The following MTF1 variants were observed in gnomAD, a reference collection of about 807,000 sequenced individuals.
The protein encoded by MTF1 is MRE-binding transcription factor.
In MTF1, 22 loss-of-function variants were observed where a neutral mutation model predicts 70.4. The ratio of observed to expected loss-of-function variants is 0.31; its 90% confidence interval spans 0.22 to 0.45. The LOEUF is 0.45. MTF1 is among the 20% of genes least tolerant of loss of function. The pLI, the probability that MTF1 is intolerant of heterozygous loss-of-function variation, is 1.00. For missense variants in MTF1, 649 were observed against 922.0 expected, an observed-to-expected ratio of 0.70 and a Z score of 3.83; for synonymous variants, 333 against 352.8, an observed-to-expected ratio of 0.94 and a Z score of 0.63.
chr1:37,857,371 G>A lies in MTF1; in HGVS notation c.288C>T (p.His96=). 1 of 1,614,210 alleles carries A rather than the reference G, an allele frequency of 6.2e-7. No individual in the cohort carries two copies. The highest frequency in any genetic ancestry group is 8.5e-7 in the Non-Finnish European group (1 of 1,180,032). ...HEAMSQGYVQ[H]IISPDQIHLT... ...AATGAATCTGATCTGGTGAGATAATGTGCTGCACATAACCCTGGGACATTG... is the reference window on the plus strand; with the variant it reads ...AATGAATCTGATCTGGTGAGATAATATGCTGCACATAACCCTGGGACATTG... The change falls in exon 2 of 11, where the codon CAC becomes CAT. Residue 96 remains histidine, a synonymous_variant. Transcript: ENST00000373036.
At chr1:37,852,764 G>A (rs1569887979) in intron 2 of MTF1, among the ~76,000 whole-genome samples, 1 of 152,056 alleles carries the variant, frequency 6.6e-6, no homozygotes, top group African/African-American at 2.4e-5. Flanking sequence ...CCAAGTGGCT[G>A]GGACTACAGG....
chr1:37,815,617 G>A lies in MTF1; in HGVS notation c.1832-51C>T, dbSNP rs773601588. 2 of 1,408,770 alleles carry A rather than the reference G, an allele frequency of 1.4e-6. No individual in the cohort carries two copies. The highest frequency in any genetic ancestry group is 1.9e-6 in the Non-Finnish European group (2 of 1,036,966). The allele number at this position is 1,408,770 out of a possible 1,614,324, so 87.3% of individuals were successfully genotyped here. A position where few individuals can be genotyped will look rare whatever the true frequency, so the allele number is the denominator to read the frequency against. On this transcript the variant is annotated intron_variant, in intron 10 of 10. Coordinates refer to ENST00000373036, the MANE Select transcript of MTF1 (RefSeq NM_005955.3). The surrounding 1 kb of genome is among the most constrained non-coding windows in gnomAD (Gnocchi z 4.5). ...TCTTCAAGTAGCTGCAGGGGCAGGA[G>A]CATGAGGGACAGGGATACATGGACT...
At chr1:37,821,353 CA>C (rs1640907446) in intron 9 of MTF1, among the ~76,000 whole-genome samples, 1 of 152,000 alleles carries the variant, frequency 6.6e-6, no homozygotes, top group South Asian at 2.1e-4. Flanking sequence ...AGTCCTTACA[CA>C]TAGTAAGGAC....
rs1640797903 is a variant in MTF1, at chr1:37,815,305, C to T, written c.2093G>A (p.Ser698Asn). The change falls in exon 11 of 11, where the codon AGC becomes AAC. Residue 698 changes from serine to asparagine, a missense_variant. Around this residue, in one of 7 missense-constraint regions of MTF1, gnomAD observed 138 missense variants for 134.4 expected, o/e 1.03. Transcript: ENST00000373036. The surrounding 1 kb of genome is among the most constrained non-coding windows in gnomAD (Gnocchi z 4.5). ...GTCTGAAGGAGTCTCTGCTTGTCGG[C>T]TTTGCTCACAGGAGGAGGGCAAGGT... ...SSTLPSSCEQ[S>N]RQAETPSDPQ... 1.2e-6 allele frequency: 2 copies of T among 1,614,094 alleles called. No individual in the cohort carries two copies. Among genetic ancestry groups the T allele is most frequent in the Middle Eastern group, 1.6e-4 (1 of 6,062 alleles).
At chr1:37,855,339 C>T (rs187423396) in intron 2 of MTF1, among the ~76,000 whole-genome samples, 34 of 152,246 alleles carry the variant, frequency 2.2e-4, no homozygotes, top group African/African-American at 7.5e-4. Flanking sequence ...ACAATCAGAG[C>T]TGGCTAACAA....
rs899156694 is a variant in MTF1, at chr1:37,835,840, C to G, written c.780-96G>C. On this transcript the variant is annotated intron_variant, in intron 4 of 10. Transcript: ENST00000373036. The stretch of plus-strand genomic sequence containing the variant: ...TTTTGAGATCGAGTCTCGCTCTGTC[C>G]CCAAGGCTGGAGTGCAGTGGCGCAA... The G allele has an allele frequency of 9.1e-5, 97 of 1,064,062 alleles. 2 individuals carry two copies. The Middle Eastern group carries it at 9.2e-4, about 10-fold the overall frequency. 65.9% of individuals were successfully genotyped at this position (1,064,062 alleles called of 1,614,324 possible). A position where few individuals can be genotyped will look rare whatever the true frequency, so the allele number is the denominator to read the frequency against.
In MTF1 at chr1:37,845,015, T is replaced by C. The variant is rs528775065; in HGVS notation, c.409-4857A>G. On this transcript the variant is annotated intron_variant, in intron 2 of 10. Coordinates refer to ENST00000373036, the MANE Select transcript of MTF1 (RefSeq NM_005955.3). ...TGAAAAACAACAGGCACTAAATAAATATTTGTCCAATTAAATGGGTGAATA... is the reference window on the plus strand; with the variant it reads ...TGAAAAACAACAGGCACTAAATAAACATTTGTCCAATTAAATGGGTGAATA... Among the ~76,000 whole-genome samples the C allele has an allele frequency of 3.9e-5, 6 of 152,354 alleles. No homozygotes were observed. The East Asian group carries it at 1.2e-3, about 29-fold the overall frequency.
In MTF1 at chr1:37,809,915, G is replaced by T. The variant is rs1438614632; in HGVS notation, c.*5221C>A. The T allele has an allele frequency of 6.6e-6, 1 of 152,458 alleles. No homozygotes were observed. The allele number at this position is 152,458 out of a possible 1,614,324, so 9.4% of individuals were successfully genotyped here. A position where few individuals can be genotyped will look rare whatever the true frequency, so the allele number is the denominator to read the frequency against. ...AGTTGTCACCAAGACCCCGGCCAAT[G>T]ATTAGTGTATGTCAAAAAAAAGGGC... On this transcript the variant is annotated 3_prime_UTR_variant, in exon 11 of 11. Transcript: ENST00000373036.
At chr1:37,824,996 A>T (rs1640979990) in intron 7 of MTF1, among the ~76,000 whole-genome samples, 1 of 152,152 alleles carries the variant, frequency 6.6e-6, no homozygotes, top group South Asian at 2.1e-4. Context: ...AAGGGGAAAG[A>T]CTACAGTTCT....
At chr1:37,843,060 A>G (rs981500522) in intron 2 of MTF1, among the ~76,000 whole-genome samples, 2 of 152,224 alleles carry the variant, frequency 1.3e-5, no homozygotes, top group Non-Finnish European at 2.9e-5. Flanking sequence ...TTTGTTGCCC[A>G]GGCTAGAGTG....
At position 37,822,657 on chromosome 1, in the gene MTF1, T is replaced by G. The variant is rs752204338; in HGVS notation, c.1231A>C (p.Thr411Pro). The G allele has an allele frequency of 6.2e-7, 1 of 1,613,852 alleles. No individual in the cohort carries two copies. The highest frequency in any genetic ancestry group is 1.1e-5 in the South Asian group (1 of 91,082). The stretch of plus-strand genomic sequence containing the variant: ...AGAGATAAAGATGCTGAATTTCCTG[T>G]GGATGGCGGAACATCACTGACTGAC... ...AESVSDVPPS[T>P]GNSASLSLPL... is the part of the protein sequence containing the mutation. Residue 411 changes from threonine to proline, a missense_variant, in exon 9 of 11, where the codon ACA (threonine) becomes CCA (proline). By Grantham distance (38) the Thr-to-Pro change is conservative. Around this residue, in one of 7 missense-constraint regions of MTF1, gnomAD observed 267 missense variants for 292.1 expected, o/e 0.91. Transcript: ENST00000373036.
intron 2 of MTF1, among the ~76,000 whole-genome samples, chr1:37,845,094 T>C (rs1476993946): frequency 1.3e-5 from 2 of 152,264 alleles, no homozygotes; most frequent in Non-Finnish European, 2.9e-5. Flanking sequence ...ACGTTTATCC[T>C]GTTCACTGAC....
rs1461319747 is a variant in MTF1, at chr1:37,857,673, C to A, written c.-15G>T. ...TGTTCCCCCATGGTTCAGTTGTGCTCAGCCCAGTTGTGAGAAATGAAAACG... is the reference window on the plus strand; with the variant it reads ...TGTTCCCCCATGGTTCAGTTGTGCTAAGCCCAGTTGTGAGAAATGAAAACG... On this transcript the variant is annotated 5_prime_UTR_variant, in exon 2 of 11. The change abolishes the stop of an existing upstream ORF in the 5' untranslated region. Transcript: ENST00000373036. 1 of 1,611,292 alleles carries A rather than the reference C, an allele frequency of 6.2e-7. No individual in the cohort carries two copies. The highest frequency in any genetic ancestry group is 8.5e-7 in the Non-Finnish European group (1 of 1,178,552).
At chr1:37,856,320 G>A (rs974317798) in intron 2 of MTF1, among the ~76,000 whole-genome samples, 2 of 150,790 alleles carry the variant, frequency 1.3e-5, no homozygotes, top group African/African-American at 4.9e-5. Context: ...TGGGATTACA[G>A]GCACCCGCCA....
intron 9 of MTF1, 100 bp downstream of exon 9, chr1:37,822,021 G>A (rs2052075912): frequency 1.1e-6 from 1 of 913,062 alleles, no homozygotes; most frequent in African/African-American, 1.7e-5. Context: ...TTTCACGGTG[G>A]ATATGACAGC....
intron 2 of MTF1, among the ~76,000 whole-genome samples, chr1:37,852,223 G>C (rs1301414968): frequency 6.6e-6 from 1 of 152,006 alleles, no homozygotes. Flanking sequence ...CAGTTTGAAG[G>C]CCCCTTTCTA....
At chr1:37,817,334 A>G in intron 10 of MTF1, 85 bp downstream of exon 10, 1 of 838,820 alleles carries the variant, frequency 1.2e-6, no homozygotes, top group Non-Finnish European at 2.0e-6. Flanking sequence ...TTAAAGTTTT[A>G]GAAACTGGGA....
Position 37,840,174 on chromosome 1 carries a change from TAC to T in MTF1, c.409-18_409-17del. On this transcript the variant is annotated splice_polypyrimidine_tract_variant and intron_variant, in intron 2 of 10. Coordinates refer to ENST00000373036, the MANE Select transcript of MTF1 (RefSeq NM_005955.3). This position sits in a 1 kb window ranked among gnomAD's most constrained non-coding sequence, Gnocchi z 4.5. ...ACCGCTTTACCTGGCAGAGAAAAGA[TAC>T]CTCATCAACAGGACAAAAATGCTGC... is the stretch of plus-strand genomic sequence containing the variant. The T allele has an allele frequency of 1.1e-5, 17 of 1,612,300 alleles. No homozygotes were observed. The highest frequency in any genetic ancestry group is 1.4e-5 in the Non-Finnish European group (17 of 1,178,654).
rs74067335 is a variant in MTF1, at chr1:37,829,065, C to G, written c.1068+3180G>C. On this transcript the variant is annotated intron_variant, in intron 7 of 10. Coordinates refer to ENST00000373036, the MANE Select transcript of MTF1 (RefSeq NM_005955.3). ...ATGGCTGCTGAGAAACCCATAAAAT[C>G]ATTATCTCATATAAATTTACTATTT... is the stretch of plus-strand genomic sequence containing the variant. Among the ~76,000 whole-genome samples, 521 of 152,196 alleles carry G rather than the reference C, an allele frequency of 3.4e-3. 2 individuals carry two copies. The highest frequency in any genetic ancestry group is 0.012 in the African/African-American group (499 of 41,532).
Sources: gnomAD v4.1 joint callset for allele counts (sites outside exome capture counted in the v4.1 genomes callset) on GRCh38, gnomAD v4.1.1 for gene constraint, gnomAD v4.1.1 regional missense constraint, Gnocchi (gnomAD v3.1) non-coding constraint, MANE v1.5 for transcripts, NCBI Gene and HGNC (gene_info 2026-07-23, HGNC 2026-07-21) for gene names.